FRMD4A: variants seen among roughly 807,000 people sequenced by gnomAD.
FRMD4A encodes FERM domain-containing protein 4A.
A neutral mutation model predicts 129.1 loss-of-function variants in FRMD4A; 29 were observed. The observed-to-expected ratio is 0.22, with a 90% CI of 0.17 to 0.31. The LOEUF is 0.31. FRMD4A is among the 10% of genes least tolerant of loss of function. The probability of loss-of-function intolerance (pLI) is 1.00; values close to 1 mark genes in which losing one functional copy is unlikely to be tolerated. For missense variants in FRMD4A, 1,272 were observed against 1,375.8 expected (o/e 0.92, Z 1.19); for synonymous variants, 634 against 571.6 (o/e 1.11, Z -1.56).
At chr10:14,263,788 C>T (rs1320777887) in intron 2 of FRMD4A, among the ~76,000 whole-genome samples, 5 of 152,118 alleles carry the variant, frequency 3.3e-5, no homozygotes, top group African/African-American at 1.2e-4. Flanking sequence ...GTTTTCACTG[C>T]GACTGGCGCC....
chr10:13,686,803 G>A (rs572364681), intron 15 of FRMD4A, among the ~76,000 whole-genome samples: 35 of 152,274 alleles, frequency 2.3e-4, no homozygotes, highest in African/African-American at 8.2e-4. Context: ...ACTTCTAGTC[G>A]AGAAGCCAAG....
intron 2 of FRMD4A, among the ~76,000 whole-genome samples, chr10:14,322,255 C>A (rs937015083): frequency 1.3e-5 from 2 of 152,056 alleles, no homozygotes; most frequent in African/African-American, 4.8e-5. Context: ...CAGCATGGCC[C>A]ATGACTAGCT....
rs764804844 is a variant in FRMD4A, at chr10:13,654,448, G to A, written c.3018C>T (p.Ser1006=). The change falls in exon 23 of 25, where the codon AGC becomes AGT. Residue 1006 remains serine, a synonymous_variant. Transcript: ENST00000357447. Reference sequence around the variant, plus strand: ...GCCAGGTTAGGATGTGGTGGGGGCTGCTTGGGGGGGTGGCTCCAATTTCAC... The same window carrying A: ...GCCAGGTTAGGATGTGGTGGGGGCTACTTGGGGGGGTGGCTCCAATTTCAC... ...PSSEIGATPP[S]SPHHILTWQT... 1 of 1,613,406 alleles carries A rather than the reference G, an allele frequency of 6.2e-7. No homozygotes were observed. Among genetic ancestry groups the A allele is most frequent in the South Asian group, 1.1e-5 (1 of 91,052 alleles).
chr10:13,971,910 A>C, intron 2 of FRMD4A: 2 of 1,255,844 alleles, frequency 1.6e-6, no homozygotes, highest in South Asian at 2.7e-5. Context: ...CAGGCAAGGA[A>C]AAAATGCAGT....
chr10:13,868,869 A>C (rs571363388), intron 2 of FRMD4A, among the ~76,000 whole-genome samples: 38 of 152,306 alleles, frequency 2.5e-4, no homozygotes, highest in African/African-American at 9.1e-4. Flanking sequence ...GCTGCAGCTT[A>C]TACACCAGAT....
chr10:14,176,622 G>A (rs181167584), intron 2 of FRMD4A, among the ~76,000 whole-genome samples: 7 of 151,692 alleles, frequency 4.6e-5, no homozygotes, highest in Admixed American at 2.6e-4. Flanking sequence ...TTATAGGCAC[G>A]CACCACCACT....
intron 2 of FRMD4A, chr10:14,074,163 G>C (rs1835450792): frequency 6.6e-6 from 1 of 152,218 alleles, no homozygotes; most frequent in Admixed American, 6.5e-5. Context: ...AAAGTGCTTA[G>C]GTGGTAAGTA....
chr10:14,049,769 C>A (rs973321805), intron 2 of FRMD4A, among the ~76,000 whole-genome samples: 1 of 152,136 alleles, frequency 6.6e-6, no homozygotes, highest in African/African-American at 2.4e-5. Context: ...GCAGGAGAAT[C>A]GCTTGAACCG....
chr10:13,686,095 C>T (rs1281379280), intron 15 of FRMD4A, among the ~76,000 whole-genome samples: 1 of 152,084 alleles, frequency 6.6e-6, no homozygotes, highest in Non-Finnish European at 1.5e-5. Flanking sequence ...ATAAACAAAC[C>T]CTGGCACAAT....
At chr10:14,243,831 T>TAAAAA (rs11447138) in intron 2 of FRMD4A, among the ~76,000 whole-genome samples, 2 of 147,948 alleles carry the variant, frequency 1.4e-5, no homozygotes, top group African/African-American at 2.5e-5. Flanking sequence ...TTACCACAAT[T>TAAAAA]AAAAAAAAAA....
At chr10:13,966,728 G>C (rs1296664583) in intron 2 of FRMD4A, among the ~76,000 whole-genome samples, 1 of 152,192 alleles carries the variant, frequency 6.6e-6, no homozygotes, top group East Asian at 1.9e-4. Context: ...ATTCTTTCTC[G>C]TGATAATAAA....
chr10:14,153,028 C>T (rs1564344100), intron 2 of FRMD4A, among the ~76,000 whole-genome samples: 1 of 152,278 alleles, frequency 6.6e-6, no homozygotes, highest in African/African-American at 2.4e-5. Context: ...GGCAGAGACT[C>T]GTGGACTCCA....
intron 2 of FRMD4A, among the ~76,000 whole-genome samples, chr10:14,110,810 T>C (rs998892443): frequency 1.4e-4 from 22 of 152,170 alleles, no homozygotes; most frequent in Non-Finnish European, 2.1e-4. Flanking sequence ...TTAAATTTTT[T>C]AGTTCTGTGT....
At chr10:14,311,801 C>T (rs1160008356) in intron 2 of FRMD4A, among the ~76,000 whole-genome samples, 1 of 152,136 alleles carries the variant, frequency 6.6e-6, no homozygotes, top group Non-Finnish European at 1.5e-5. Flanking sequence ...CTTTGTATTT[C>T]CAAGCATGAA....
At chr10:13,951,929 T>TA (rs1554984654) in intron 2 of FRMD4A, among the ~76,000 whole-genome samples, 1 of 145,966 alleles carries the variant, frequency 6.9e-6, no homozygotes, top group African/African-American at 2.5e-5. Flanking sequence ...ATAATAATAA[T>TA]AAACAATCTA....
At chr10:14,220,935 G>T (rs1229110594) in intron 2 of FRMD4A, among the ~76,000 whole-genome samples, 1 of 151,958 alleles carries the variant, frequency 6.6e-6, no homozygotes, top group Non-Finnish European at 1.5e-5. Flanking sequence ...TACCATATTG[G>T]CTGGATTGAG....
chr10:13,782,448 C>CTTT (rs66527369), intron 6 of FRMD4A, among the ~76,000 whole-genome samples: 1 of 136,064 alleles, frequency 7.3e-6, no homozygotes, highest in Admixed American at 7.5e-5. Flanking sequence ...ATTATTATTC[C>CTTT]TTTTTTTTTT....
chr10:13,977,097 A>G (rs535206292), intron 2 of FRMD4A, among the ~76,000 whole-genome samples: 1 of 152,340 alleles, frequency 6.6e-6, no homozygotes, highest in East Asian at 1.9e-4. Flanking sequence ...TGAGAAGGTG[A>G]TAGGAAAATA....
At chr10:13,777,065 C>T (rs764605738) in intron 6 of FRMD4A, among the ~76,000 whole-genome samples, 12 of 152,226 alleles carry the variant, frequency 7.9e-5, no homozygotes, top group Non-Finnish European at 1.8e-4. Context: ...AGCTTGGAGA[C>T]GTTACAGGAG....
Sources: gnomAD v4.1 joint callset for allele counts (sites outside exome capture counted in the v4.1 genomes callset) on GRCh38, gnomAD v4.1.1 for gene constraint, MANE v1.5 for transcripts, NCBI Gene and HGNC (gene_info 2026-07-23, HGNC 2026-07-21) for gene names.